TOX: variants seen among roughly 807,000 people sequenced by gnomAD.
TOX encodes the protein thymocyte selection-associated high mobility group box protein TOX.
A neutral mutation model predicts 53.7 loss-of-function variants in TOX; 11 were observed. That is an observed-to-expected ratio of 0.20 (90% CI 0.13 to 0.34). The LOEUF is 0.34. TOX is among the 10% of genes least tolerant of loss of function. The pLI is 1.00. For synonymous variants in TOX, 225 were observed against 245.3 expected (o/e 0.92, Z 0.77); for missense variants, 570 against 664.6 (o/e 0.86, Z 1.56).
chr8:59,005,042 T>G (rs545601063), intron 1 of TOX, among the ~76,000 whole-genome samples: 1 of 57,230 alleles, frequency 1.7e-5, no homozygotes, highest in Admixed American at 2.2e-4. Context: ...AAATATCATT[T>G]TCTTTTTTTT....
At chr8:59,065,446 T>C (rs557352732) in intron 1 of TOX, among the ~76,000 whole-genome samples, 188 of 152,354 alleles carry the variant, frequency 1.2e-3, no homozygotes, top group African/African-American at 4.4e-3. Context: ...TTGTTATTAA[T>C]GTTTTTTAAG....
intron 4 of TOX, among the ~76,000 whole-genome samples, chr8:58,848,177 T>A (rs749899628): frequency 6.6e-6 from 1 of 152,018 alleles, no homozygotes; most frequent in East Asian, 1.9e-4. Flanking sequence ...AAGGTAAAGA[T>A]ATTGGTAAAT....
chr8:59,051,079 A>G (rs1275400687), intron 1 of TOX, among the ~76,000 whole-genome samples: 2 of 152,152 alleles, frequency 1.3e-5, no homozygotes, highest in African/African-American at 4.8e-5. Context: ...GATGACTTCC[A>G]GAACACAAAA....
chr8:58,968,888 T>G (rs1272266799), intron 1 of TOX, among the ~76,000 whole-genome samples: 1 of 152,182 alleles, frequency 6.6e-6, no homozygotes, highest in African/African-American at 2.4e-5. Context: ...GAAGTTGTAT[T>G]TAGGTGACCA....
rs140715357 is a variant in TOX at position 59,073,829 on chromosome 8, T to C, written c.102+45057A>G. ...CTCTGCCCTCCAGAGGGTCCCAAAATATAGTCCTAAATTGTGACTTTCTGT... is the reference window on the plus strand; with the variant it reads ...CTCTGCCCTCCAGAGGGTCCCAAAACATAGTCCTAAATTGTGACTTTCTGT... On this transcript the variant is annotated intron_variant, in intron 1 of 8. Transcript: ENST00000361421. 8.2e-3 allele frequency among the ~76,000 whole-genome samples: 1,242 copies of C among 152,210 alleles called. 5 individuals carry two copies. The highest frequency in any genetic ancestry group is 0.013 in the Non-Finnish European group (889 of 68,008).
At chr8:58,954,142 C>G (rs1283143526) in intron 2 of TOX, among the ~76,000 whole-genome samples, 1 of 152,092 alleles carries the variant, frequency 6.6e-6, no homozygotes, top group Non-Finnish European at 1.5e-5. Context: ...CTGTCATTAT[C>G]TAGTTTATTA....
chr8:59,103,675 G>T (rs1015449913), intron 1 of TOX, among the ~76,000 whole-genome samples: 4 of 152,184 alleles, frequency 2.6e-5, no homozygotes, highest in African/African-American at 9.7e-5. Context: ...GGAAAGCTTT[G>T]CTATGTGGAT....
chr8:58,999,815 A>T (rs1813655440), intron 1 of TOX, among the ~76,000 whole-genome samples: 1 of 152,194 alleles, frequency 6.6e-6, no homozygotes, highest in African/African-American at 2.4e-5. Flanking sequence ...ATTAACTTGA[A>T]TGAGTTTCTA....
chr8:59,085,165 T>C (rs1804484276), intron 1 of TOX, among the ~76,000 whole-genome samples: 1 of 152,208 alleles, frequency 6.6e-6, no homozygotes, highest in Non-Finnish European at 1.5e-5. Flanking sequence ...ACTACCAAAC[T>C]TTAATGAAAG....
At chr8:58,975,552 A>T (rs892374848) in intron 1 of TOX, among the ~76,000 whole-genome samples, 1 of 152,212 alleles carries the variant, frequency 6.6e-6, no homozygotes, top group Non-Finnish European at 1.5e-5. Flanking sequence ...CATACAAGTT[A>T]TGTTTACACT....
At chr8:59,022,807 T>C (rs1041774086) in intron 1 of TOX, among the ~76,000 whole-genome samples, 1 of 152,178 alleles carries the variant, frequency 6.6e-6, no homozygotes, top group Non-Finnish European at 1.5e-5. Context: ...AAGGCCAGTA[T>C]ATCTGAACAG....
chr8:59,058,459 G>C (rs1172796797), intron 1 of TOX, among the ~76,000 whole-genome samples: 2 of 152,178 alleles, frequency 1.3e-5, no homozygotes, highest in Non-Finnish European at 2.9e-5. Context: ...ATGGTGAGCT[G>C]AATCCACATG....
At chr8:58,811,566 C>A (rs978092314) in intron 7 of TOX, among the ~76,000 whole-genome samples, 27 of 152,168 alleles carry the variant, frequency 1.8e-4, no homozygotes, top group African/African-American at 6.5e-4. Flanking sequence ...TTTCAACAGG[C>A]ATCAATGTTT....
chr8:59,054,224 A>G (rs1185737100), intron 1 of TOX, among the ~76,000 whole-genome samples: 1 of 152,226 alleles, frequency 6.6e-6, no homozygotes, highest in East Asian at 1.9e-4. Context: ...TTACACTGTA[A>G]TTAACTCTAT....
At chr8:59,007,295 T>C (rs898269690) in intron 1 of TOX, among the ~76,000 whole-genome samples, 1 of 152,188 alleles carries the variant, frequency 6.6e-6, no homozygotes, top group Non-Finnish European at 1.5e-5. Context: ...TTAATGAAAT[T>C]CTTCTTTCTG....
chr8:58,970,108 T>C (rs1812975887), intron 1 of TOX, among the ~76,000 whole-genome samples: 1 of 152,220 alleles, frequency 6.6e-6, no homozygotes, highest in African/African-American at 2.4e-5. Flanking sequence ...TGCCTACTTA[T>C]ATGCCAGGTA....
chr8:58,915,513 A>G (rs1187079499), intron 3 of TOX, among the ~76,000 whole-genome samples: 2 of 118,996 alleles, frequency 1.7e-5, no homozygotes, highest in African/African-American at 3.4e-5. Flanking sequence ...AAGGAAAACT[A>G]ACAACCAGAA....
At chr8:58,847,704 C>A (rs1020641241) in intron 4 of TOX, among the ~76,000 whole-genome samples, 3 of 152,088 alleles carry the variant, frequency 2.0e-5, no homozygotes, top group African/African-American at 7.2e-5. Context: ...ACACATATCA[C>A]CATGAAGCTG....
At chr8:58,814,194 C>T (rs770365023) in intron 7 of TOX, among the ~76,000 whole-genome samples, 32 of 152,074 alleles carry the variant, frequency 2.1e-4, no homozygotes, top group Non-Finnish European at 4.3e-4. Context: ...TATTTGATTT[C>T]TTTTTCTGCC....
Sources: allele counts gnomAD v4.1 joint callset (sites outside exome capture counted in the v4.1 genomes callset), GRCh38; gene constraint gnomAD v4.1.1; transcripts MANE v1.5; gene names NCBI Gene and HGNC (gene_info 2026-07-23, HGNC 2026-07-21).